Variants in LAMA2 observed in about 807,000 individuals in gnomAD.
The protein encoded by LAMA2 is laminin subunit alpha-2.
Under a neutral mutation model 364.8 loss-of-function variants are expected in LAMA2, and 269 were observed. The observed-to-expected ratio is 0.74, with a 90% confidence interval of 0.67 to 0.82. LAMA2 has a LOEUF of 0.82. Ranked by LOEUF, LAMA2 falls within the 40% of genes least tolerant of loss-of-function variation. LAMA2 has a pLI of 0.00. For missense variants in LAMA2, 3,807 were observed against 3,873.2 expected (o/e 0.98, Z 0.45); for synonymous variants, 1,379 against 1,370.6 (o/e 1.01, Z -0.14).
At chr6:129,167,389 C>A (rs1339339378) in intron 9 of LAMA2, among the ~76,000 whole-genome samples, 1 of 148,440 alleles carries the variant, frequency 6.7e-6, no homozygotes, top group Non-Finnish European at 1.5e-5. Context: ...TCAATTCCCA[C>A]CTATGAGTGA....
rs1775905199 is a variant in LAMA2 at position 128,883,232 on chromosome 6, T to C, written c.-14T>C. ...TCTGGCTCCCGAGAAGTGGATCCGG[T>C]CGCGGCCACTACGATGCCGGGAGCC... On this transcript the variant is annotated 5_prime_UTR_variant, in exon 1 of 65. Coordinates refer to ENST00000421865, the MANE Select transcript of LAMA2 (RefSeq NM_000426.4). 6.5e-7 allele frequency: 1 copy of C among 1,548,538 alleles called. No homozygotes were observed. The highest frequency in any genetic ancestry group is 1.2e-5 in the South Asian group (1 of 84,080).
At chr6:129,334,205 C>T (rs1583518082) in intron 29 of LAMA2, among the ~76,000 whole-genome samples, 1 of 152,186 alleles carries the variant, frequency 6.6e-6, no homozygotes. Context: ...ATCCATTATA[C>T]AGTGCAATGC....
At chr6:129,020,937 C>T (rs1785412900) in intron 1 of LAMA2, among the ~76,000 whole-genome samples, 1 of 152,286 alleles carries the variant, frequency 6.6e-6, no homozygotes, top group South Asian at 2.1e-4. Flanking sequence ...CTAACAGCCA[C>T]AAATGGAAGA....
intron 1 of LAMA2, chr6:128,929,283 G>C (rs990233364): frequency 7.6e-7 from 1 of 1,316,780 alleles, no homozygotes; most frequent in African/African-American, 1.4e-5. Flanking sequence ...TCATTGATGC[G>C]GATCCCTGCC....
At chr6:129,359,578 T>C (rs1232482783) in intron 32 of LAMA2, among the ~76,000 whole-genome samples, 2 of 139,238 alleles carry the variant, frequency 1.4e-5, no homozygotes, top group South Asian at 2.5e-4. Flanking sequence ...AAGTGAGAAA[T>C]AGAAAATTCA....
chr6:129,172,184 C>T (rs994518710), intron 9 of LAMA2, among the ~76,000 whole-genome samples: 81 of 152,304 alleles, frequency 5.3e-4, no homozygotes, highest in African/African-American at 1.8e-3. Context: ...TCGTCAAAGT[C>T]GTTCTCCATC....
At chr6:129,115,145 A>G (rs1776396420) in intron 4 of LAMA2, among the ~76,000 whole-genome samples, 2 of 152,054 alleles carry the variant, frequency 1.3e-5, no homozygotes, top group South Asian at 4.1e-4. Context: ...CAGAGACACC[A>G]GAATGTTGCC....
At chr6:129,407,441 C>T (rs1304182625) in intron 40 of LAMA2, among the ~76,000 whole-genome samples, 2 of 152,146 alleles carry the variant, frequency 1.3e-5, no homozygotes, top group Non-Finnish European at 2.9e-5. Context: ...AAGTTAACAA[C>T]ACTTAAATGC....
rs115650537 is a variant in LAMA2, at chr6:129,502,696, T to G, written c.8282T>G (p.Ile2761Arg). The change falls in exon 59 of 65, where the codon ATA becomes AGA. Residue 2761 changes from isoleucine to arginine, a missense_variant. This residue lies in a region of LAMA2 where 3,333 missense variants were observed against 3,345.7 expected (regional missense o/e 1.00). Coordinates refer to ENST00000421865, the MANE Select transcript of LAMA2 (RefSeq NM_000426.4). ...CAAESEPALL[I>R]GSKQFGLSRN... is the part of the protein sequence containing the mutation. ...GCAGAATCAGAACCAGCTCTTTTGA[T>G]AGGGAGCAAGCAGTTCGGGCTTTCA... The G allele has an allele frequency of 6.2e-7, 1 of 1,613,898 alleles. No individual in the cohort carries two copies. Among genetic ancestry groups the G allele is most frequent in the Non-Finnish European group, 8.5e-7 (1 of 1,179,912 alleles).
intron 8 of LAMA2, chr6:129,157,940 A>G: frequency 6.2e-7 from 1 of 1,614,130 alleles, no homozygotes; most frequent in Non-Finnish European, 8.5e-7. Context: ...AGGGCACATC[A>G]ACTTCATTTG....
chr6:128,973,334 A>G lies in LAMA2; in HGVS notation c.113-76584A>G, dbSNP rs116665902. ...AAGACATAGCCACACATGGAGAAGG[A>G]CACTGATAATAAGAGAGTTTGACAT... On this transcript the variant is annotated intron_variant, in intron 1 of 64. Coordinates refer to ENST00000421865, the MANE Select transcript of LAMA2 (RefSeq NM_000426.4). Among the ~76,000 whole-genome samples, 1,027 of 152,332 alleles carry G rather than the reference A, an allele frequency of 6.7e-3. 12 individuals are homozygous for G. Among genetic ancestry groups the G allele is most frequent in the African/African-American group, 0.024 (993 of 41,574 alleles).
At chr6:128,972,973 T>C (rs1366288036) in intron 1 of LAMA2, among the ~76,000 whole-genome samples, 18 of 152,178 alleles carry the variant, frequency 1.2e-4, no homozygotes, top group Admixed American at 1.1e-3. Flanking sequence ...TCTTGAGATA[T>C]ACAATTTCAA....
At chr6:129,120,632 T>C (rs1224059328) in intron 4 of LAMA2, among the ~76,000 whole-genome samples, 1 of 152,232 alleles carries the variant, frequency 6.6e-6, no homozygotes, top group African/African-American at 2.4e-5. Context: ...AGTCAGACCT[T>C]TCCCTGCCAA....
chr6:129,465,352 C>A, intron 51 of LAMA2, 63 bp downstream of exon 51: 1 of 1,324,766 alleles, frequency 7.5e-7, no homozygotes, highest in Non-Finnish European at 1.1e-6. Flanking sequence ...TGCACATGTA[C>A]CTGATCAAGA....
At position 129,512,500 on chromosome 6, in the gene LAMA2, G is replaced by T. The variant is rs779793104; in HGVS notation, c.8988+7G>T. On this transcript the variant is annotated splice_region_variant and intron_variant, in intron 63 of 64. Coordinates refer to ENST00000421865, the MANE Select transcript of LAMA2 (RefSeq NM_000426.4). Reference sequence around the variant, plus strand: ...TGAAATGATTGATGAAAAGGTGAGTGTCAGCAATGCAAACATTTCTGATTT... The same window carrying T: ...TGAAATGATTGATGAAAAGGTGAGTTTCAGCAATGCAAACATTTCTGATTT... 3 of 1,613,236 alleles carry T rather than the reference G, an allele frequency of 1.9e-6. No individual in the cohort carries two copies. The South Asian group carries it at 3.3e-5, about 18-fold the overall frequency.
At chr6:129,020,768 A>G (rs1447873669) in intron 1 of LAMA2, among the ~76,000 whole-genome samples, 1 of 152,126 alleles carries the variant, frequency 6.6e-6, no homozygotes, top group African/African-American at 2.4e-5. Context: ...ATAAGGGGGA[A>G]CTTCAGAGAA....
At chr6:129,163,253 G>A (rs533604446) in intron 8 of LAMA2, among the ~76,000 whole-genome samples, 9 of 151,650 alleles carry the variant, frequency 5.9e-5, no homozygotes, top group South Asian at 2.1e-4. Flanking sequence ...TTCTTTCTCC[G>A]TTCTTTAGAT....
rs1195431853 is a variant in LAMA2, at chr6:129,284,251, T to C, written c.2538-3596T>C. Among the ~76,000 whole-genome samples the C allele has an allele frequency of 2.6e-5, 4 of 151,950 alleles. No individual in the cohort carries two copies. The East Asian group carries it at 7.7e-4, about 29-fold the overall frequency. On this transcript the variant is annotated intron_variant, in intron 18 of 64. Coordinates refer to ENST00000421865, the MANE Select transcript of LAMA2 (RefSeq NM_000426.4). Reference sequence around the variant, plus strand: ...CTGTGCCTTTGCCAATACTGTTCCCTCTGCCTGGAAGATTGCAGCCCTTTC... The same window carrying C: ...CTGTGCCTTTGCCAATACTGTTCCCCCTGCCTGGAAGATTGCAGCCCTTTC...
At chr6:129,152,267 A>T (rs1230100184) in intron 7 of LAMA2, among the ~76,000 whole-genome samples, 1 of 152,196 alleles carries the variant, frequency 6.6e-6, no homozygotes. Flanking sequence ...TACTCAACAA[A>T]TATTTGAATG....
Sources: gnomAD v4.1 joint callset for allele counts (sites outside exome capture counted in the v4.1 genomes callset) on GRCh38, gnomAD v4.1.1 for gene constraint, gnomAD v4.1.1 regional missense constraint, MANE v1.5 for transcripts, NCBI Gene and HGNC (gene_info 2026-07-23, HGNC 2026-07-21) for gene names.